The following LPAR6 variants were observed in gnomAD, a reference collection of about 807,000 sequenced individuals.
The protein encoded by LPAR6 is lysophosphatidic acid receptor 6, also known as G-protein coupled purinergic receptor P2Y5.
LPAR6 carries 17 observed loss-of-function variants against 22.0 expected under a neutral mutation model. That is an observed-to-expected ratio of 0.77 (90% CI 0.53 to 1.16). LPAR6 has a LOEUF of 1.16. Ranked by LOEUF, LPAR6 falls within the 50% of genes most tolerant of loss-of-function variation. LPAR6 has a pLI of 0.00. For synonymous variants in LPAR6, 136 were observed against 139.8 expected, an observed-to-expected ratio of 0.97 and a Z score of 0.19; for missense variants, 384 against 406.9, an observed-to-expected ratio of 0.94 and a Z score of 0.48.
downstream of LPAR6, chr13:48,408,758 A>G (rs1948762285): frequency 6.6e-6 from 1 of 152,162 alleles, no homozygotes; most frequent in Non-Finnish European, 1.5e-5. Flanking sequence ...CTTTTGATTC[A>G]TTTATCTTCC....
In LPAR6 at chr13:48,391,620, AT is replaced by A. The variant is rs1284387748; in HGVS notation, n.115-1809del. On this transcript the variant is annotated intron_variant and non_coding_transcript_variant, in intron 1 of 1. Transcript: ENST00000462781. ...TATAAAACAAACAAAAAGCATTTCT[AT>A]TTTTTTTTTCTTTTTGAGATGGAGT... 6.4e-3 allele frequency: 948 copies of A among 149,080 alleles called. 6 individuals are homozygous for A. Among genetic ancestry groups the A allele is most frequent in the African/African-American group, 0.022 (890 of 40,626 alleles). 9.2% of individuals were successfully genotyped at this position (149,080 alleles called of 1,614,324 possible).
At chr13:48,400,993 A>C (rs1948686980) in intron 1 of LPAR6, among the ~76,000 whole-genome samples, 1 of 152,088 alleles carries the variant, frequency 6.6e-6, no homozygotes, top group African/African-American at 2.4e-5. Flanking sequence ...CAGGGGGAAA[A>C]GGCATCATGG....
intron 1 of LPAR6, among the ~76,000 whole-genome samples, chr13:48,401,736 A>G (rs890326337): frequency 6.6e-6 from 1 of 152,222 alleles, no homozygotes; most frequent in Admixed American, 6.5e-5. Flanking sequence ...GATTTAGAAC[A>G]TGATAAGGAA....
exon 2 of LPAR6, chr13:48,389,575 T>C (rs1405728284): frequency 6.6e-6 from 1 of 152,190 alleles, no homozygotes; most frequent in African/African-American, 2.4e-5. Context: ...AATTAGTGGC[T>C]TTAAACAAAT....
At chr13:48,428,986 C>T (rs1252303627), upstream of LPAR6, among the ~76,000 whole-genome samples, 1 of 152,176 alleles carries the variant, frequency 6.6e-6, no homozygotes, top group African/African-American at 2.4e-5. Flanking sequence ...CTGGAAGCTG[C>T]ATGCTTGTGG....
At chr13:48,410,876 G>A (rs111719973), downstream of LPAR6, among the ~76,000 whole-genome samples, 12 of 151,964 alleles carry the variant, frequency 7.9e-5, no homozygotes, top group African/African-American at 1.2e-4. Context: ...AGAAGACTAC[G>A]TTTTTAGTTA....
rs141745913 is a variant in LPAR6 at position 48,418,471 on chromosome 13, G to A, written c.-953-1151C>T. 5.5e-3 allele frequency among the ~76,000 whole-genome samples: 831 copies of A among 152,164 alleles called. 14 individuals are homozygous for A. Among genetic ancestry groups the A allele is most frequent in the African/African-American group, 0.019 (791 of 41,512 alleles). ...ATTGACACTATGAAGAAACTAATGG[G>A]CATCAACTAATGGGCAAACTAACTG... On this transcript the variant is annotated intron_variant, in intron 2 of 4. Coordinates refer to the LPAR6 transcript ENST00000345941.
At chr13:48,390,727 G>A (rs140198900) in intron 1 of LPAR6, among the ~76,000 whole-genome samples, 312 of 152,106 alleles carry the variant, frequency 2.1e-3, no homozygotes, top group Admixed American at 6.3e-3. Context: ...TTTATCCCTC[G>A]TAATATTGTT....
intron 1 of LPAR6, among the ~76,000 whole-genome samples, chr13:48,391,932 T>G (rs942259479): frequency 2.0e-5 from 3 of 152,030 alleles, no homozygotes; most frequent in African/African-American, 7.2e-5. Context: ...CAAAAAACAT[T>G]TCTTGTGTGC....
intron 1 of LPAR6, among the ~76,000 whole-genome samples, chr13:48,401,619 G>A (rs772329628): frequency 6.6e-6 from 1 of 152,070 alleles, no homozygotes. Flanking sequence ...CACATTTGTG[G>A]TCCTTGGTGT....
chr13:48,398,331 A>G (rs1363995527), intron 1 of LPAR6, among the ~76,000 whole-genome samples: 1 of 152,132 alleles, frequency 6.6e-6, no homozygotes, highest in Non-Finnish European at 1.5e-5. Flanking sequence ...TCCACAGCTA[A>G]ATACTAGTTT....
In LPAR6 at chr13:48,411,974, G is replaced by T; in HGVS notation, c.450C>A (p.Pro150=). Residue 150 remains proline, a synonymous_variant, in exon 1 of 1, where the codon CCC becomes CCA. Transcript: ENST00000620633. ...AGTGGGTAGACTGAACAAAAACGGC[G>T]GGTGCACTTCCTCCGATCACAGTTA... The part of the protein sequence containing the change: ...VWLTVIGGSA[P]AVFVQSTHSQ... 1 of 1,602,312 alleles carries T rather than the reference G, an allele frequency of 6.2e-7. No homozygotes were observed. Among genetic ancestry groups the T allele is most frequent in the Non-Finnish European group, 8.5e-7 (1 of 1,173,558 alleles).
At chr13:48,402,181 T>A (rs770728457) in intron 1 of LPAR6, among the ~76,000 whole-genome samples, 1 of 152,032 alleles carries the variant, frequency 6.6e-6, no homozygotes, top group Non-Finnish European at 1.5e-5. Context: ...GAAAATATAA[T>A]TTTTTTGCAT....
intron 1 of LPAR6, among the ~76,000 whole-genome samples, chr13:48,395,580 G>A (rs1948641592): frequency 6.6e-6 from 1 of 151,942 alleles, no homozygotes; most frequent in Admixed American, 6.6e-5. Flanking sequence ...ACTTTGTGAA[G>A]CATACACAAG....
chr13:48,397,456 A>T (rs947819912), intron 1 of LPAR6, among the ~76,000 whole-genome samples: 1 of 152,186 alleles, frequency 6.6e-6, no homozygotes, highest in Non-Finnish European at 1.5e-5. Context: ...GAACACATGG[A>T]CACATGGAGG....
At chr13:48,437,944 T>C (rs954295872) in intron 1 of LPAR6, among the ~76,000 whole-genome samples, 1 of 152,176 alleles carries the variant, frequency 6.6e-6, no homozygotes, top group Admixed American at 6.6e-5. Flanking sequence ...ACAAATCCTA[T>C]TATCAGTTTT....
chr13:48,413,442 G>A (rs1488121063), upstream of LPAR6, among the ~76,000 whole-genome samples: 2 of 152,112 alleles, frequency 1.3e-5, no homozygotes, highest in African/African-American at 2.4e-5. Context: ...TTTGGGATAT[G>A]ACAATTTAGA....
At position 48,395,252 on chromosome 13, in the gene LPAR6, A is replaced by T. The variant is rs184680223; in HGVS notation, n.115-5440T>A. ...GAAACCCCATTTGAAGGTCATCAAC[A>T]TCAAAGACCAAAGGTAGATAAATCC... On this transcript the variant is annotated intron_variant and non_coding_transcript_variant, in intron 1 of 1. Transcript: ENST00000462781. Among the ~76,000 whole-genome samples, 4 of 152,206 alleles carry T rather than the reference A, an allele frequency of 2.6e-5. No homozygotes were observed. The South Asian group carries it at 8.3e-4, about 32-fold the overall frequency.
At chr13:48,408,003 GTAGGACCAAAAAGCAATT>G (rs1197869605), downstream of LPAR6, among the ~76,000 whole-genome samples, 1 of 152,066 alleles carries the variant, frequency 6.6e-6, no homozygotes, top group Non-Finnish European at 1.5e-5. Context: ...GTCCAAAATT[GTAGGACCAAAAAGCAATT>G]GCTTCAGATT....
Sources: allele counts gnomAD v4.1 joint callset (sites outside exome capture counted in the v4.1 genomes callset), GRCh38; gene constraint gnomAD v4.1.1; transcripts MANE v1.5; gene names NCBI Gene and HGNC (gene_info 2026-07-23, HGNC 2026-07-21).